The following SPATA13 variants were observed in gnomAD, a reference collection of about 807,000 sequenced individuals.
The protein encoded by SPATA13 is spermatogenesis-associated protein 13.
SPATA13 carries 50 observed loss-of-function variants against 104.0 expected under a neutral mutation model. The ratio of observed to expected loss-of-function variants is 0.48; its 90% CI spans 0.38 to 0.61. SPATA13 has a LOEUF of 0.61. Among genes scored for constraint, SPATA13 ranks in the 20% least tolerant of loss-of-function variants. The pLI is 0.00. For synonymous variants in SPATA13, 606 were observed against 667.5 expected (o/e 0.91, Z 1.42); for missense variants, 1,524 against 1,690.6 (o/e 0.90, Z 1.73).
chr13:24,286,938 G>A lies in SPATA13; in HGVS notation c.2655G>A (p.Arg885=). Residue 885 remains arginine, a synonymous_variant, in exon 7 of 13, where the codon AGG becomes AGA. Transcript: ENST00000382108. The surrounding 1 kb of genome is among the most constrained non-coding windows in gnomAD (Gnocchi z 4.9). The part of the protein sequence containing the change: ...DTERVYIKHL[R]DICEGYIRQC... ...AGCGGGTGTACATCAAACACCTCAG[G>A]GACATCTGTGAGGTGGGACGCCAGG... 1 of 1,613,300 alleles carries A rather than the reference G, an allele frequency of 6.2e-7. No homozygotes were observed. Among genetic ancestry groups the A allele is most frequent in the Non-Finnish European group, 8.5e-7 (1 of 1,179,684 alleles).
At chr13:24,020,537 A>G (rs912623627) in intron 3 of SPATA13, among the ~76,000 whole-genome samples, 1 of 152,176 alleles carries the variant, frequency 6.6e-6, no homozygotes, top group Non-Finnish European at 1.5e-5. Flanking sequence ...CCTTAAACGA[A>G]TTGTATTTAA....
chr13:24,253,118 G>A (rs1395410212), intron 4 of SPATA13: 4 of 152,188 alleles, frequency 2.6e-5, no homozygotes, highest in South Asian at 4.1e-4. Context: ...TCAGCTGTCC[G>A]AGCTTAGGTG....
At chr13:24,058,470 G>GT (rs1268026475) in intron 3 of SPATA13, among the ~76,000 whole-genome samples, 2 of 151,828 alleles carry the variant, frequency 1.3e-5, no homozygotes, top group Admixed American at 1.3e-4. Flanking sequence ...GGTGATTACT[G>GT]TATACGGGAC....
intron 4 of SPATA13, among the ~76,000 whole-genome samples, chr13:24,272,387 T>C (rs544107121): frequency 3.9e-5 from 6 of 152,330 alleles, no homozygotes; most frequent in South Asian, 4.1e-4. Context: ...CCTGGGTCAG[T>C]GCACTGCGGA....
At chr13:24,087,609 G>A (rs757553418) in intron 3 of SPATA13, among the ~76,000 whole-genome samples, 11 of 152,178 alleles carry the variant, frequency 7.2e-5, no homozygotes, top group Admixed American at 3.9e-4. Flanking sequence ...GAACAGTGGG[G>A]CGAACTCAGG....
intron 3 of SPATA13, among the ~76,000 whole-genome samples, chr13:24,093,558 C>G (rs1032609062): frequency 2.6e-5 from 4 of 152,064 alleles, no homozygotes; most frequent in African/African-American, 9.7e-5. Context: ...AAGATCAGGC[C>G]CAAAATGCTC....
At chr13:24,196,555 T>G (rs1203273920) in intron 1 of SPATA13, among the ~76,000 whole-genome samples, 1 of 152,126 alleles carries the variant, frequency 6.6e-6, no homozygotes, top group Middle Eastern at 3.2e-3. Flanking sequence ...GGAAATATAG[T>G]GAGACCCTTG....
chr13:24,238,158 A>ACTCTTGCTCTATCTCC (rs1872665252), intron 2 of SPATA13, among the ~76,000 whole-genome samples: 1 of 89,214 alleles, frequency 1.1e-5, no homozygotes, highest in Non-Finnish European at 2.0e-5. Flanking sequence ...TTTTTTTGAG[A>ACTCTTGCTCTATCTCC]CAGACTCTTG....
chr13:24,041,535 G>A (rs1488891750), intron 3 of SPATA13, among the ~76,000 whole-genome samples: 1 of 152,236 alleles, frequency 6.6e-6, no homozygotes, highest in Non-Finnish European at 1.5e-5. Context: ...CAAATACCTT[G>A]TAGGTCAAAG....
chr13:24,223,382 C>A lies in SPATA13; in HGVS notation c.453C>A (p.Gly151=), dbSNP rs745503325. 1.3e-6 allele frequency: 2 copies of A among 1,551,154 alleles called. No individual in the cohort carries two copies. ...GCCTGGGAAAGTCCATCCCAAATGGCGCTGTCCCAGGAGCCCAGGCAAGCA... is the reference window on the plus strand; with the variant it reads ...GCCTGGGAAAGTCCATCCCAAATGGAGCTGTCCCAGGAGCCCAGGCAAGCA... ...EHGLGKSIPN[G]AVPGAQASRG... The change falls in exon 2 of 13, where the codon GGC becomes GGA. Residue 151 remains glycine, a synonymous_variant. Coordinates refer to ENST00000382108, the MANE Select transcript of SPATA13 (RefSeq NM_001166271.3).
Position 24,304,046 on chromosome 13 carries a change from C to T in SPATA13, c.*1273C>T, listed in dbSNP as rs1048021872. The T allele has an allele frequency of 2.6e-5, 4 of 152,238 alleles. No homozygotes were observed. Among genetic ancestry groups the T allele is most frequent in the Non-Finnish European group, 5.9e-5 (4 of 68,046 alleles). The allele number at this position is 152,238 out of a possible 1,614,324, so 9.4% of individuals were successfully genotyped here. ...CAAAGAGCCGCACTGCTCCTGACAT[C>T]GTCCTTAGCAATGAAGTCACAAAGA... On this transcript the variant is annotated 3_prime_UTR_variant, in exon 13 of 13. Transcript: ENST00000382108.
chr13:24,191,501 CTTTTTTTTTTTTTTTTTTT>C (rs57437676), intron 1 of SPATA13, among the ~76,000 whole-genome samples: 1 of 67,422 alleles, frequency 1.5e-5, no homozygotes, highest in Admixed American at 2.5e-4. Flanking sequence ...ACATTGCTTT[CTTTTTTTTTTTTTTTTTTT>C]TTTTTTTGAG....
intron 4 of SPATA13, among the ~76,000 whole-genome samples, chr13:24,280,676 C>T (rs1241016947): frequency 2.0e-5 from 3 of 152,120 alleles, no homozygotes; most frequent in Admixed American, 6.5e-5. Context: ...CAGTAAGCAG[C>T]ACAGTTCTTG....
chr13:24,147,812 G>A (rs866889615), intron 3 of SPATA13, among the ~76,000 whole-genome samples: 5 of 152,226 alleles, frequency 3.3e-5, no homozygotes, highest in Middle Eastern at 6.8e-3. Context: ...TTCTGAGCTT[G>A]ACCGCTCTAG....
intron 3 of SPATA13, among the ~76,000 whole-genome samples, chr13:24,109,145 T>C (rs1399999604): frequency 6.6e-6 from 1 of 152,110 alleles, no homozygotes; most frequent in Non-Finnish European, 1.5e-5. Flanking sequence ...ATGTGTGATG[T>C]TCCCGCCCTC....
At chr13:24,102,004 A>G (rs974125548) in intron 3 of SPATA13, among the ~76,000 whole-genome samples, 1 of 152,234 alleles carries the variant, frequency 6.6e-6, no homozygotes, top group Admixed American at 6.5e-5. Context: ...ACCCAGAAGT[A>G]GGATTGTTGG....
At chr13:24,282,077 T>A (rs922789935) in intron 4 of SPATA13, among the ~76,000 whole-genome samples, 4 of 152,092 alleles carry the variant, frequency 2.6e-5, no homozygotes, top group African/African-American at 9.7e-5. Context: ...TTTACAGAAT[T>A]GGTTGCTTGT....
chr13:24,020,507 C>T (rs1445152230), intron 3 of SPATA13, among the ~76,000 whole-genome samples: 3 of 152,096 alleles, frequency 2.0e-5, no homozygotes, highest in Non-Finnish European at 2.9e-5. Flanking sequence ...CCTCAGAGGC[C>T]GTGAGAGGGA....
chr13:24,164,548 G>A (rs150457583), intron 1 of SPATA13, among the ~76,000 whole-genome samples: 5 of 152,342 alleles, frequency 3.3e-5, no homozygotes, highest in Non-Finnish European at 7.3e-5. Flanking sequence ...AAGCATTTGC[G>A]TGAGGTATCC....
Sources: gnomAD v4.1 joint callset for allele counts (sites outside exome capture counted in the v4.1 genomes callset) on GRCh38, gnomAD v4.1.1 for gene constraint, Gnocchi (gnomAD v3.1) non-coding constraint, MANE v1.5 for transcripts, NCBI Gene and HGNC (gene_info 2026-07-23, HGNC 2026-07-21) for gene names.